USP19: variants seen among roughly 807,000 people sequenced by gnomAD.
USP19 encodes ubiquitin carboxyl-terminal hydrolase 19.
A neutral mutation model predicts 144.8 loss-of-function variants in USP19; 40 were observed. The ratio of observed to expected loss-of-function variants is 0.28; its 90% CI spans 0.21 to 0.36. The LOEUF (loss-of-function observed/expected upper bound fraction) is 0.36. USP19 is among the 10% of genes least tolerant of loss of function. The probability of loss-of-function intolerance (pLI) is 1.00; values close to 1 mark genes in which losing one functional copy is unlikely to be tolerated. For missense variants in USP19, 1,518 were observed against 1,822.5 expected (o/e 0.83, Z 3.04); for synonymous variants, 701 against 709.3 (o/e 0.99, Z 0.19).
rs756518493 is a variant in USP19 at position 49,112,607 on chromosome 3, C to T, written c.2528G>A (p.Arg843His). The T allele has an allele frequency of 1.2e-5, 20 of 1,613,354 alleles. No homozygotes were observed. The highest frequency in any genetic ancestry group is 5.5e-5 in the South Asian group (5 of 90,998). ...CAGTGAGTGGGAGGGTAGGAACACACGATGAAAACGATTCTTAATTACCTG... is the reference window on the plus strand; with the variant it reads ...CAGTGAGTGGGAGGGTAGGAACACATGATGAAAACGATTCTTAATTACCTG... ...LAEVIKNRFHRVFLPSHSLDT... is the reference protein window; with the variant it reads ...LAEVIKNRFHHVFLPSHSLDT... Residue 843 changes from arginine to histidine, a missense_variant, in exon 18 of 27, where the codon CGT (arginine) becomes CAT (histidine). Arg to His is a conservative substitution (Grantham distance 29). Transcript: ENST00000417901. The surrounding 1 kb of genome is among the most constrained non-coding windows in gnomAD (Gnocchi z 4.9).
At chr3:49,109,913 G>T in intron 26 of USP19, 1 of 320,194 alleles carries the variant, frequency 3.1e-6, no homozygotes, top group Non-Finnish European at 5.7e-6. Flanking sequence ...ATAGTGCCCA[G>T]TGAGGTTCAG....
chr3:49,115,023 T>C lies in USP19; in HGVS notation c.2117A>G (p.Asp706Gly). Residue 706 changes from aspartate to glycine, a missense_variant, in exon 14 of 27, where the codon GAC becomes GGC. This residue lies in a region of USP19 where 158 missense variants were observed against 277.3 expected (regional missense o/e 0.57). Transcript: ENST00000417901. The surrounding 1 kb of genome is among the most constrained non-coding windows in gnomAD (Gnocchi z 6.6). Reference protein sequence around the residue: ...MAFLLDGLHEDLNRIQNKPYT... With the variant: ...MAFLLDGLHEGLNRIQNKPYT... ...GGGCTTGTTCTGAATGCGATTCAGG[T>C]CCTCGTGCAGCCCATCCAGCAGGAA... 1 of 1,614,116 alleles carries C rather than the reference T, an allele frequency of 6.2e-7. No homozygotes were observed. Among genetic ancestry groups the C allele is most frequent in the Non-Finnish European group, 8.5e-7 (1 of 1,180,012 alleles).
chr3:49,115,264 C>T lies in USP19; in HGVS notation c.1986G>A (p.Lys662=). Residue 662 remains lysine (K), a synonymous_variant, in exon 13 of 27, where the codon AAG becomes AAA. Coordinates refer to ENST00000417901, the MANE Select transcript of USP19 (RefSeq NM_001199161.2). This position sits in a 1 kb window ranked among gnomAD's most constrained non-coding sequence, Gnocchi z 6.6. ...AAGGCTGGAAGGCATGGTGGGTGCC[C>T]TTCCACAGCGCCCGAAGCAGCACGG... ...GFAVLLRALW[K]GTHHAFQPSK... 1 of 1,614,072 alleles carries T rather than the reference C, an allele frequency of 6.2e-7. No homozygotes were observed.
chr3:49,108,737 A>G lies in USP19; in HGVS notation c.4039-209T>C. 7.3e-7 allele frequency: 1 copy of G among 1,375,566 alleles called. No homozygotes were observed. The highest frequency in any genetic ancestry group is 1.8e-5 in the South Asian group (1 of 54,592). The allele number at this position is 1,375,566 out of a possible 1,614,324, so 85.2% of individuals were successfully genotyped here. A position where few individuals can be genotyped will look rare whatever the true frequency, so the allele number is the denominator to read the frequency against. On this transcript the variant is annotated intron_variant, in intron 26 of 26. Coordinates refer to ENST00000417901, the MANE Select transcript of USP19 (RefSeq NM_001199161.2). This position sits in a 1 kb window ranked among gnomAD's most constrained non-coding sequence, Gnocchi z 4.8. ...ACAGGAAGTAGCTTGGGCAGGGCCAAGCCTGAGGCCAAGGGTCAGAGCAGC... is the reference window on the plus strand; with the variant it reads ...ACAGGAAGTAGCTTGGGCAGGGCCAGGCCTGAGGCCAAGGGTCAGAGCAGC...
In USP19 at chr3:49,117,345, G is replaced by A. The variant is rs780781674; in HGVS notation, c.623C>T (p.Thr208Ile). The A allele has an allele frequency of 4.4e-6, 7 of 1,591,684 alleles. No individual in the cohort carries two copies. The highest frequency in any genetic ancestry group is 5.1e-6 in the Non-Finnish European group (6 of 1,165,908). The change falls in exon 6 of 27, where the codon ACC (threonine) becomes ATC (isoleucine). Residue 208 changes from threonine (T) to isoleucine (I), a missense_variant. Around this residue, in one of 5 missense-constraint regions of USP19, gnomAD observed 707 missense variants for 728.9 expected, o/e 0.97. Coordinates refer to ENST00000417901, the MANE Select transcript of USP19 (RefSeq NM_001199161.2). This position sits in a 1 kb window ranked among gnomAD's most constrained non-coding sequence, Gnocchi z 4.4. ...WPSLLKKPLG[T>I]QELVPGLRCQ... ...CCGCAGCCCCGGCACCAGCTCCTGGGTCCCTAGAGGTTTCTTCTGCCAAAG... is the reference window on the plus strand; with the variant it reads ...CCGCAGCCCCGGCACCAGCTCCTGGATCCCTAGAGGTTTCTTCTGCCAAAG...
chr3:49,112,756 T>C lies in USP19; in HGVS notation c.2506-127A>G. ...CAGTGGTGAGGTCTGTAGGCCCAAATAGGCTTATGCCTCTGCTGGCACCTG... is the reference window on the plus strand; with the variant it reads ...CAGTGGTGAGGTCTGTAGGCCCAAACAGGCTTATGCCTCTGCTGGCACCTG... On this transcript the variant is annotated intron_variant, in intron 17 of 26. Transcript: ENST00000417901. This position sits in a 1 kb window ranked among gnomAD's most constrained non-coding sequence, Gnocchi z 4.9. 1 of 1,316,114 alleles carries C rather than the reference T, an allele frequency of 7.6e-7. No homozygotes were observed. The highest frequency in any genetic ancestry group is 2.7e-5 in the Admixed American group (1 of 36,722). 81.5% of individuals were successfully genotyped at this position (1,316,114 alleles called of 1,614,324 possible). A position where few individuals can be genotyped will look rare whatever the true frequency, so the allele number is the denominator to read the frequency against.
Position 49,114,338 on chromosome 3 carries a change from G to C in USP19, c.2293-54C>G, listed in dbSNP as rs2107424376. ...CTGCACACAGAGTGGGAGATAAGAT[G>C]CTCATGCTCAGAGAGCCCATTCCGG... On this transcript the variant is annotated intron_variant, in intron 15 of 26. Coordinates refer to ENST00000417901, the MANE Select transcript of USP19 (RefSeq NM_001199161.2). The surrounding 1 kb of genome is among the most constrained non-coding windows in gnomAD (Gnocchi z 4.5). The C allele has an allele frequency of 6.4e-7, 1 of 1,555,528 alleles. No individual in the cohort carries two copies. Among genetic ancestry groups the C allele is most frequent in the East Asian group, 2.2e-5 (1 of 44,478 alleles).
intron 17 of USP19, 54 bp downstream of exon 17, chr3:49,113,938 G>A (rs35806761): frequency 6.4e-7 from 1 of 1,570,432 alleles, no homozygotes; most frequent in East Asian, 2.2e-5. Flanking sequence ...CACGTCTGTG[G>A]TGAGTACACA....
intron 17 of USP19, among the ~76,000 whole-genome samples, chr3:49,113,642 G>C (rs947596795): frequency 2.6e-5 from 4 of 152,010 alleles, no homozygotes; most frequent in African/African-American, 9.7e-5. Flanking sequence ...CTGTCACCCA[G>C]GCTGGAGTGC....
Position 49,110,776 on chromosome 3 carries a change from C to A in USP19, c.3633G>T (p.Lys1211Asn). The change falls in exon 24 of 27, where the codon AAG becomes AAT. Residue 1211 changes from lysine to asparagine, a missense_variant. Physicochemically the swap from Lys to Asn is moderately conservative, Grantham distance 94. This residue lies in a region of USP19 where 122 missense variants were observed against 200.4 expected (regional missense o/e 0.61). Coordinates refer to ENST00000417901, the MANE Select transcript of USP19 (RefSeq NM_001199161.2). The surrounding 1 kb of genome is among the most constrained non-coding windows in gnomAD (Gnocchi z 6.1). ...AGATAAAACTACGAAAGGAGAAGCG[C>A]TTGAGCTGCACGATGAGAACATTTG... ...RLPNVLIVQLKRFSFRSFIWR... is the reference protein window; with the variant it reads ...RLPNVLIVQLNRFSFRSFIWR... 1 of 1,614,212 alleles carries A rather than the reference C, an allele frequency of 6.2e-7. No individual in the cohort carries two copies. The highest frequency in any genetic ancestry group is 1.1e-5 in the South Asian group (1 of 91,088).
chr3:49,118,845 C>T (rs1344076732), intron 2 of USP19, among the ~76,000 whole-genome samples, 177 bp downstream of exon 2: 2 of 152,158 alleles, frequency 1.3e-5, no homozygotes, highest in African/African-American at 4.8e-5. Flanking sequence ...TGGATCTTAG[C>T]CAAGTACTCA....
rs757779545 is a variant in USP19, at chr3:49,117,147, A to G, written c.821T>C (p.Leu274Pro). The change falls in exon 6 of 27, where the codon CTC (leucine) becomes CCC (proline). Residue 274 changes from leucine to proline, a missense_variant. By Grantham distance (98) the Leu-to-Pro change is moderately conservative. Around this residue, in one of 5 missense-constraint regions of USP19, gnomAD observed 707 missense variants for 728.9 expected, o/e 0.97. Transcript: ENST00000417901. This position sits in a 1 kb window ranked among gnomAD's most constrained non-coding sequence, Gnocchi z 4.4. ...CCCGTCCCCCTCTGGCCCTCTGCAG[A>G]GATGCACAGCCCTCTTGGCGCTGGG... ...AGPSAKRAVH[L>P]CRGPEGDGSR... is the part of the protein sequence containing the mutation. 1.5e-5 allele frequency: 23 copies of G among 1,548,486 alleles called. No homozygotes were observed.
chr3:49,115,561 C>T lies in USP19; in HGVS notation c.1771G>A (p.Glu591Lys), dbSNP rs1271008275. 1.2e-6 allele frequency: 2 copies of T among 1,613,804 alleles called. No homozygotes were observed. Among genetic ancestry groups the T allele is most frequent in the Non-Finnish European group, 1.7e-6 (2 of 1,179,856 alleles). ...AAGCCTGGCAGACACACCTTCTTCT[C>T]TTCCTCTTCCTCCTCCTCCACGCTG... is the stretch of plus-strand genomic sequence containing the variant. ...GDSVEEEEEE[E>K]KKVCLPGFTG... The change falls in exon 12 of 27, where the codon GAG (glutamate) becomes AAG (lysine). Residue 591 changes from glutamate (E) to lysine (K), a missense_variant. Glu to Lys is a moderately conservative substitution (Grantham distance 56). Around this residue, in one of 5 missense-constraint regions of USP19, gnomAD observed 158 missense variants for 277.3 expected, o/e 0.57. Coordinates refer to ENST00000417901, the MANE Select transcript of USP19 (RefSeq NM_001199161.2). The surrounding 1 kb of genome is among the most constrained non-coding windows in gnomAD (Gnocchi z 6.6).
At position 49,112,293 on chromosome 3, in the gene USP19, T is replaced by C. The variant is rs2043292516; in HGVS notation, c.2756A>G (p.Tyr919Cys). The change falls in exon 19 of 27, where the codon TAC (tyrosine) becomes TGC (cysteine). Residue 919 changes from tyrosine (Y) to cysteine (C), a missense_variant. Physicochemically the swap from Tyr to Cys is radical, Grantham distance 194 (BLOSUM62 -2). This residue lies in a region of USP19 where 413 missense variants were observed against 515.8 expected (regional missense o/e 0.80). Transcript: ENST00000417901. The surrounding 1 kb of genome is among the most constrained non-coding windows in gnomAD (Gnocchi z 4.9). Reference sequence around the variant, plus strand: ...CCATGGGGGTCCTCACTGGTTGCAGTAGCCCACACGGTAGCACCGGGTACA... The same window carrying C: ...CCATGGGGGTCCTCACTGGTTGCAGCAGCCCACACGGTAGCACCGGGTACA... ...KRCTRCYRVG[Y>C]CNQLCQKTHW... 1.2e-6 allele frequency: 2 copies of C among 1,609,630 alleles called. No homozygotes were observed. Among genetic ancestry groups the C allele is most frequent in the Non-Finnish European group, 8.5e-7 (1 of 1,178,088 alleles).
Position 49,117,839 on chromosome 3 carries a change from G to A in USP19, c.299-9C>T. On this transcript the variant is annotated splice_polypyrimidine_tract_variant and intron_variant, in intron 3 of 26. Coordinates refer to ENST00000417901, the MANE Select transcript of USP19 (RefSeq NM_001199161.2). This position sits in a 1 kb window ranked among gnomAD's most constrained non-coding sequence, Gnocchi z 4.4. Reference sequence around the variant, plus strand: ...AGGGTCTTCACAAGCTCCTGATGGTGATAAGCAGGTAACAGAGACCCAGCC... The same window carrying A: ...AGGGTCTTCACAAGCTCCTGATGGTAATAAGCAGGTAACAGAGACCCAGCC... 6.2e-7 allele frequency: 1 copy of A among 1,614,108 alleles called. No homozygotes were observed. Among genetic ancestry groups the A allele is most frequent in the Non-Finnish European group, 8.5e-7 (1 of 1,179,970 alleles).
Position 49,118,099 on chromosome 3 carries a change from G to C in USP19, c.146C>G (p.Ala49Gly). The C allele has an allele frequency of 7.1e-7, 1 of 1,409,994 alleles. No individual in the cohort carries two copies. 87.3% of individuals were successfully genotyped at this position (1,409,994 alleles called of 1,614,324 possible). ...GGCCAGAGGTTCAAGACCAGCCTGG[G>C]CAACATATCGAGACCCTGTCTCTAA... ...PRKETGSRYV[A>G]QAGLEPLASG... The change falls in exon 3 of 27, where the codon GCC becomes GGC. Residue 49 changes from alanine to glycine, a missense_variant. Coordinates refer to ENST00000417901, the MANE Select transcript of USP19 (RefSeq NM_001199161.2).
rs746691811 is a variant in USP19 at position 49,116,264 on chromosome 3, GCCGGGCA to G, written c.1355+9_1355+15del. ...GGGGTAGGACAGGCACAGTGGTGGGGCCGGGCACCACCCACCTGAGCTTCACCTGCCA... is the reference window on the plus strand; with the variant it reads ...GGGGTAGGACAGGCACAGTGGTGGGGCCACCCACCTGAGCTTCACCTGCCA... On this transcript the variant is annotated intron_variant, in intron 9 of 26. Transcript: ENST00000417901. The surrounding 1 kb of genome is among the most constrained non-coding windows in gnomAD (Gnocchi z 5.0). 1.2e-6 allele frequency: 2 copies of G among 1,613,500 alleles called. No homozygotes were observed. The highest frequency in any genetic ancestry group is 1.7e-5 in the Admixed American group (1 of 59,998).
At chr3:49,119,901 C>G (rs1221135131) in intron 1 of USP19, among the ~76,000 whole-genome samples, 1 of 152,158 alleles carries the variant, frequency 6.6e-6, no homozygotes, top group Admixed American at 6.5e-5. Context: ...GCTGCTGTCC[C>G]AAGCAGAAAG....
intron 26 of USP19, chr3:49,109,235 A>T: frequency 6.9e-7 from 1 of 1,450,158 alleles, no homozygotes; most frequent in Non-Finnish European, 9.1e-7. Flanking sequence ...GGGAGGACCC[A>T]GTGTCCCTGA....
Sources: allele counts gnomAD v4.1 joint callset (sites outside exome capture counted in the v4.1 genomes callset), GRCh38; gene constraint gnomAD v4.1.1; regional missense constraint gnomAD v4.1.1; non-coding constraint Gnocchi (gnomAD v3.1); transcripts MANE v1.5; gene names NCBI Gene and HGNC (gene_info 2026-07-23, HGNC 2026-07-21).